Variants in LDHC observed in about 807,000 individuals in gnomAD.
LDHC encodes lactate dehydrogenase C, also known as L-lactate dehydrogenase C chain.
A neutral mutation model predicts 30.2 loss-of-function variants in LDHC; 20 were observed. The observed-to-expected ratio is 0.66, with a 90% CI of 0.47 to 0.96. The LOEUF is 0.96. Ranked by LOEUF, LDHC falls within the 40% of genes least tolerant of loss-of-function variation. LDHC has a pLI of 0.00. For synonymous variants in LDHC, 139 were observed against 132.7 expected, an observed-to-expected ratio of 1.05 and a Z score of -0.32; for missense variants, 362 against 394.9, an observed-to-expected ratio of 0.92 and a Z score of 0.71.
At chr11:18,428,067 C>A (rs1848193186) in intron 3 of LDHC, among the ~76,000 whole-genome samples, 1 of 151,294 alleles carries the variant, frequency 6.6e-6, no homozygotes, top group African/African-American at 2.4e-5. Flanking sequence ...CATAAGTTAT[C>A]TTCTCTTTTG....
intron 6 of LDHC, among the ~76,000 whole-genome samples, chr11:18,440,754 T>A (rs942653312): frequency 4.7e-5 from 7 of 150,256 alleles, no homozygotes; most frequent in African/African-American, 1.2e-4. Context: ...CAGAGTGAGA[T>A]CATGTCTCCA....
At chr11:18,421,335 G>A (rs1270338527) in intron 3 of LDHC, among the ~76,000 whole-genome samples, 3 of 152,018 alleles carry the variant, frequency 2.0e-5, no homozygotes, top group Non-Finnish European at 2.9e-5. Context: ...GATTACAGGA[G>A]TGAGCCACCA....
intron 3 of LDHC, among the ~76,000 whole-genome samples, chr11:18,423,122 C>T (rs774223290): frequency 6.6e-6 from 1 of 151,758 alleles, no homozygotes; most frequent in African/African-American, 2.4e-5. Flanking sequence ...GTCAGGAGTT[C>T]GAGACCAGCC....
rs1282806677 is a variant in LDHC, at chr11:18,429,783, T to G, written c.291T>G (p.Gly97=). The change falls in exon 4 of 8, where the codon GGT becomes GGG. Residue 97 remains glycine (G), a synonymous_variant. Coordinates refer to ENST00000541669, the MANE Select transcript of LDHC (RefSeq NM_017448.5). Reference sequence around the variant, plus strand: ...CCAGAATAGTTATTGTCACAGCAGGTGCAAGGCAGCAGGAGGGAGAAACTC... The same window carrying G: ...CCAGAATAGTTATTGTCACAGCAGGGGCAAGGCAGCAGGAGGGAGAAACTC... ...ANSRIVIVTA[G]ARQQEGETRL... 1 of 1,612,924 alleles carries G rather than the reference T, an allele frequency of 6.2e-7. No individual in the cohort carries two copies. The highest frequency in any genetic ancestry group is 8.5e-7 in the Non-Finnish European group (1 of 1,179,008).
At chr11:18,450,940 C>T (rs1848645253) in intron 7 of LDHC, 23 bp from the exon 8 acceptor site, 2 of 1,539,416 alleles carry the variant, frequency 1.3e-6, no homozygotes, top group South Asian at 1.2e-5. Context: ...GTTATTTGAA[C>T]AATATCTTAT....
rs932966009 is a variant in LDHC at position 18,452,021 on chromosome 11, G to A, written c.*894G>A. 6.6e-6 allele frequency: 1 copy of A among 152,180 alleles called. No individual in the cohort carries two copies. Among genetic ancestry groups the A allele is most frequent in the African/African-American group, 2.4e-5 (1 of 41,440 alleles). The allele number at this position is 152,180 out of a possible 1,614,324, so 9.4% of individuals were successfully genotyped here. On this transcript the variant is annotated 3_prime_UTR_variant, in exon 8 of 8. Transcript: ENST00000541669. ...CGATGTAAAAAATCTAAATAAGATTGTATTCAACTCTGCAAGTATTATACT... is the reference window on the plus strand; with the variant it reads ...CGATGTAAAAAATCTAAATAAGATTATATTCAACTCTGCAAGTATTATACT...
chr11:18,450,586 G>C (rs1881717), intron 7 of LDHC: 1 of 166,868 alleles, frequency 6.0e-6, no homozygotes, highest in South Asian at 1.6e-4. Context: ...CTGCTTCACT[G>C]TTGCCTCGAT....
Position 18,451,899 on chromosome 11 carries a change from A to T in LDHC, c.*772A>T, listed in dbSNP as rs953014547. The T allele has an allele frequency of 2.0e-5, 3 of 152,200 alleles. No individual in the cohort carries two copies. The highest frequency in any genetic ancestry group is 7.2e-5 in the African/African-American group (3 of 41,446). 9.4% of individuals were successfully genotyped at this position (152,200 alleles called of 1,614,324 possible). On this transcript the variant is annotated 3_prime_UTR_variant, in exon 8 of 8. Coordinates refer to ENST00000541669, the MANE Select transcript of LDHC (RefSeq NM_017448.5). Reference sequence around the variant, plus strand: ...TTCAAGGCTATGATTGTGTCACTGCACTCCAGCCTGGGCCACAGAGGAAGA... The same window carrying T: ...TTCAAGGCTATGATTGTGTCACTGCTCTCCAGCCTGGGCCACAGAGGAAGA...
intron 6 of LDHC, among the ~76,000 whole-genome samples, chr11:18,443,879 T>C (rs1312458548): frequency 2.6e-5 from 4 of 152,258 alleles, no homozygotes; most frequent in Non-Finnish European, 5.9e-5. Context: ...TCAGTACTTA[T>C]CACTATTGGT....
rs553893974 is a variant in LDHC at position 18,419,755 on chromosome 11, T to TA, written c.244+4459dup. The stretch of plus-strand genomic sequence containing the variant: ...AATATCAGCATGAGACAGGAGGCTA[T>TA]AAAAACATTAAAAAAGGAACAAAAT... On this transcript the variant is annotated intron_variant, in intron 3 of 7. Coordinates refer to ENST00000541669, the MANE Select transcript of LDHC (RefSeq NM_017448.5). Among the ~76,000 whole-genome samples, 23 of 152,146 alleles carry TA rather than the reference T, an allele frequency of 1.5e-4. No homozygotes were observed. The East Asian group carries it at 3.3e-3, about 22-fold the overall frequency.
At chr11:18,416,561 G>A (rs1867026271) in intron 3 of LDHC, among the ~76,000 whole-genome samples, 1 of 151,990 alleles carries the variant, frequency 6.6e-6, no homozygotes, top group South Asian at 2.1e-4. Flanking sequence ...ATTTTATATC[G>A]ACCTAAAACA....
intron 5 of LDHC, among the ~76,000 whole-genome samples, chr11:18,436,235 T>C (rs893581955): frequency 3.3e-5 from 5 of 152,178 alleles, no homozygotes; most frequent in Admixed American, 1.3e-4. Context: ...TTTAATATTC[T>C]ATAACTTTAT....
At chr11:18,435,263 G>A (rs1489641697) in intron 5 of LDHC, among the ~76,000 whole-genome samples, 3 of 151,982 alleles carry the variant, frequency 2.0e-5, no homozygotes, top group Admixed American at 2.0e-4. Flanking sequence ...ATGTTGAATT[G>A]TAATCCCCAG....
intron 5 of LDHC, 70 bp from the exon 6 acceptor site, chr11:18,438,458 A>G (rs959724274): frequency 1.3e-5 from 13 of 985,002 alleles, no homozygotes; most frequent in Non-Finnish European, 2.1e-5. Context: ...ACTTAAAAAA[A>G]CAACACTGAA....
In LDHC at chr11:18,421,801, A is replaced by G. The variant is rs149049993; in HGVS notation, c.244+6500A>G. On this transcript the variant is annotated intron_variant, in intron 3 of 7. Transcript: ENST00000541669. ...CAGATGACATGATCTAACTTCTGTGACAGCTAACAAAAGAACAGAAACCTT... is the reference window on the plus strand; with the variant it reads ...CAGATGACATGATCTAACTTCTGTGGCAGCTAACAAAAGAACAGAAACCTT... Among the ~76,000 whole-genome samples the G allele has an allele frequency of 3.7e-4, 56 of 152,202 alleles. 1 individual carries two copies. Among genetic ancestry groups the G allele is most frequent in the African/African-American group, 1.3e-3 (54 of 41,504 alleles).
intron 5 of LDHC, among the ~76,000 whole-genome samples, chr11:18,436,513 T>C (rs950103134): frequency 1.6e-5 from 2 of 125,284 alleles, no homozygotes; most frequent in African/African-American, 5.8e-5. Flanking sequence ...TGAGACAGAG[T>C]TTCGCTCTTG....
intron 4 of LDHC, among the ~76,000 whole-genome samples, chr11:18,430,790 A>C (rs1168024990): frequency 6.6e-6 from 1 of 152,194 alleles, no homozygotes; most frequent in Admixed American, 6.5e-5. Context: ...GTGTGGTCAT[A>C]TGTCTTTATT....
rs1425358188 is a variant in LDHC, at chr11:18,430,656, C to T, written c.418+746C>T. Among the ~76,000 whole-genome samples the T allele has an allele frequency of 2.0e-5, 3 of 152,042 alleles. No individual in the cohort carries two copies. In the East Asian group the frequency reaches 5.8e-4, roughly 29 times the overall value. ...GGATTACAGATGTGAGCCACTGCAC[C>T]CAGCCATTGTTTATACATTTAAAAT... On this transcript the variant is annotated intron_variant, in intron 4 of 7. Transcript: ENST00000541669.
chr11:18,447,101 T>C (rs1848565868), intron 7 of LDHC, among the ~76,000 whole-genome samples: 1 of 151,936 alleles, frequency 6.6e-6, no homozygotes, highest in East Asian at 1.9e-4. Context: ...TAGATTTGTA[T>C]ATTTGACATT....
Sources: gnomAD v4.1 joint callset for allele counts (sites outside exome capture counted in the v4.1 genomes callset) on GRCh38, gnomAD v4.1.1 for gene constraint, MANE v1.5 for transcripts, NCBI Gene and HGNC (gene_info 2026-07-23, HGNC 2026-07-21) for gene names.